The following MAPDA variants were observed in gnomAD, a reference collection of about 807,000 sequenced individuals.
MAPDA encodes the protein N6-Methyl-AMP deaminase, also known as N6,N6-dimethyl-AMP deaminase.
the MAPDA span, chr15:43,349,230 G>A: frequency 1.4e-6 from 2 of 1,383,836 alleles, no homozygotes; most frequent in Non-Finnish European, 1.9e-6. Flanking sequence ...TAGAATATAA[G>A]CTCTATGAGA....
At chr15:43,349,088 C>T in the MAPDA span, 8 of 1,613,000 alleles carry the variant, frequency 5.0e-6, no homozygotes, top group South Asian at 8.8e-5. Context: ...CTCTCTGTCT[C>T]TCCCCCAATC....
the MAPDA span, chr15:43,335,112 T>C: frequency 6.2e-7 from 1 of 1,613,810 alleles, no homozygotes; most frequent in East Asian, 2.2e-5. Context: ...GCTAAAATGA[T>C]AGAGGCAGAA....
At chr15:43,345,819 TA>T in the MAPDA span, 16 of 1,613,024 alleles carry the variant, frequency 9.9e-6, no homozygotes, top group South Asian at 1.6e-4. Context: ...ATCTGTGTCA[TA>T]TTAGTTTTCA....
the MAPDA span, among the ~76,000 whole-genome samples, chr15:43,337,621 GA>G: frequency 6.6e-6 from 1 of 151,916 alleles, no homozygotes; most frequent in Admixed American, 6.6e-5. Context: ...TTAACCAGTA[GA>G]AAAAAAATGC....
At chr15:43,347,747 C>T in the MAPDA span, among the ~76,000 whole-genome samples, 1,105 of 152,188 alleles carry the variant, frequency 7.3e-3, 12 homozygotes, top group Non-Finnish European at 0.012. Context: ...AGTCTACTTA[C>T]CTCACAGTTA....
the MAPDA span, among the ~76,000 whole-genome samples, chr15:43,339,487 C>T: frequency 6.6e-6 from 1 of 152,160 alleles, no homozygotes; most frequent in Admixed American, 6.5e-5. Context: ...CTTGCTTTGC[C>T]AGGACACTGC....
chr15:43,340,304 G>T, the MAPDA span: 1 of 1,614,050 alleles, frequency 6.2e-7, no homozygotes, highest in South Asian at 1.1e-5. Flanking sequence ...AGATGACGGC[G>T]TCAAGTACCT....
the MAPDA span, chr15:43,334,869 G>C: frequency 4.9e-6 from 2 of 406,378 alleles, no homozygotes; most frequent in East Asian, 1.0e-4. Context: ...AGGAGCTTTT[G>C]CCTTTTAAAG....
the MAPDA span, chr15:43,354,418 T>C: frequency 2.0e-5 from 3 of 152,246 alleles, no homozygotes; most frequent in African/African-American, 7.2e-5. Context: ...AATGTGGATC[T>C]ATTGCAGTCA....
the MAPDA span, among the ~76,000 whole-genome samples, chr15:43,341,196 T>C: frequency 1.3e-5 from 2 of 152,176 alleles, no homozygotes; most frequent in African/African-American, 4.8e-5. Flanking sequence ...CATTTGGGGG[T>C]AAAATTTTTG....
At chr15:43,348,157 A>G in the MAPDA span, among the ~76,000 whole-genome samples, 30 of 152,340 alleles carry the variant, frequency 2.0e-4, no homozygotes, top group Non-Finnish European at 4.1e-4. Context: ...GTTTTGGGCT[A>G]TCTAGGAGAT....
At chr15:43,340,459 T>G in the MAPDA span, 1 of 852,146 alleles carries the variant, frequency 1.2e-6, no homozygotes, top group Non-Finnish European at 1.9e-6. Context: ...TACTATTGTG[T>G]TGTTCTGTAT....
the MAPDA span, among the ~76,000 whole-genome samples, chr15:43,344,549 C>T: frequency 6.6e-6 from 1 of 151,994 alleles, no homozygotes; most frequent in African/African-American, 2.4e-5. Flanking sequence ...TGGCTCATGC[C>T]TGTAATCCCA....
chr15:43,335,131 G>A, the MAPDA span: 6 of 1,613,802 alleles, frequency 3.7e-6, no homozygotes, highest in African/African-American at 1.3e-5. Context: ...AAGAGCAACA[G>A]CCTTGCAAGA....
the MAPDA span, chr15:43,351,674 G>T: frequency 7.3e-7 from 1 of 1,368,534 alleles, no homozygotes; most frequent in South Asian, 1.5e-5. Context: ...TAGGAAAATA[G>T]ACTCTAAACA....
the MAPDA span, among the ~76,000 whole-genome samples, chr15:43,332,722 A>G: frequency 6.6e-6 from 1 of 152,218 alleles, no homozygotes; most frequent in African/African-American, 2.4e-5. Flanking sequence ...AGTGCATAAT[A>G]AACAGTAACA....
the MAPDA span, chr15:43,330,596 T>G: frequency 8.5e-6 from 11 of 1,298,588 alleles, no homozygotes; most frequent in South Asian, 1.1e-4. Context: ...CCCATGCTCC[T>G]GGACTTCCCC....
the MAPDA span, among the ~76,000 whole-genome samples, chr15:43,339,766 C>T: frequency 6.6e-6 from 1 of 152,172 alleles, no homozygotes; most frequent in Non-Finnish European, 1.5e-5. Flanking sequence ...AAATTTAACC[C>T]TGCCAGAATT....
At chr15:43,337,112 CAA>C in the MAPDA span, among the ~76,000 whole-genome samples, 4 of 137,624 alleles carry the variant, frequency 2.9e-5, no homozygotes, top group Non-Finnish European at 1.6e-5. Flanking sequence ...ACTAAAAATA[CAA>C]AAAAAAAAAA....
Sources: allele counts gnomAD v4.1 joint callset (sites outside exome capture counted in the v4.1 genomes callset), GRCh38; gene constraint gnomAD v4.1.1; transcripts MANE v1.5; gene names NCBI Gene and HGNC (gene_info 2026-07-23, HGNC 2026-07-21).